PLXNA1: variants seen among roughly 807,000 people sequenced by gnomAD.
The protein encoded by PLXNA1 is plexin-A1.
PLXNA1 carries 77 observed loss-of-function variants against 191.7 expected under a neutral mutation model. The ratio of observed to expected loss-of-function variants is 0.40; its 90% CI spans 0.33 to 0.49. The LOEUF is 0.49. Ranked by LOEUF, PLXNA1 falls within the 20% of genes least tolerant of loss-of-function variation. The pLI, the probability that PLXNA1 is intolerant of heterozygous loss-of-function variation, is 0.63. For missense variants in PLXNA1, 2,110 were observed against 2,660.2 expected (o/e 0.79, Z 4.55); for synonymous variants, 1,137 against 1,156.4 (o/e 0.98, Z 0.34).
intron 15 of PLXNA1, among the ~76,000 whole-genome samples, chr3:127,015,965 G>C (rs1211185060): frequency 6.6e-6 from 1 of 152,198 alleles, no homozygotes; most frequent in Non-Finnish European, 1.5e-5. Flanking sequence ...GGTGCCGAGA[G>C]GGAAGGTGTC....
intron 3 of PLXNA1, among the ~76,000 whole-genome samples, chr3:127,000,447 T>C (rs2079034780): frequency 6.6e-6 from 1 of 152,092 alleles, no homozygotes; most frequent in Non-Finnish European, 1.5e-5. Context: ...GGCCGGCGTG[T>C]GCCCTTCTGT....
Position 127,029,368 on chromosome 3 carries a change from G to A in PLXNA1, c.4774-72G>A, listed in dbSNP as rs566619055. ...CACTAGGGTGTCACCGGGGTCCCCAGCCGGGGAGTGGGAGCCTGGTGGTGC... is the reference window on the plus strand; with the variant it reads ...CACTAGGGTGTCACCGGGGTCCCCAACCGGGGAGTGGGAGCCTGGTGGTGC... On this transcript the variant is annotated intron_variant, in intron 26 of 31. Transcript: ENST00000393409. The A allele has an allele frequency of 1.2e-5, 17 of 1,453,344 alleles. No individual in the cohort carries two copies. The East Asian group carries it at 3.6e-4, about 31-fold the overall frequency. The allele number at this position is 1,453,344 out of a possible 1,614,324, so 90.0% of individuals were successfully genotyped here.
intron 3 of PLXNA1, among the ~76,000 whole-genome samples, chr3:126,999,673 G>C (rs892375535): frequency 1.2e-4 from 18 of 152,206 alleles, no homozygotes; most frequent in African/African-American, 4.1e-4. Context: ...GGCAGCAGTT[G>C]GCCAGGGCTG....
rs564331546 is a variant in PLXNA1 at position 127,022,075 on chromosome 3, G to A, written c.4039-10G>A. On this transcript the variant is annotated splice_polypyrimidine_tract_variant and intron_variant, in intron 21 of 31. Coordinates refer to ENST00000393409, the MANE Select transcript of PLXNA1 (RefSeq NM_032242.4). Reference sequence around the variant, plus strand: ...CTTCTCTGTGGTCTGAGCTCTGTGTGCTCCCTCAGGTGCAGGCCAATGTGG... The same window carrying A: ...CTTCTCTGTGGTCTGAGCTCTGTGTACTCCCTCAGGTGCAGGCCAATGTGG... The A allele has an allele frequency of 6.2e-7, 1 of 1,608,566 alleles. No individual in the cohort carries two copies. Among genetic ancestry groups the A allele is most frequent in the Admixed American group, 1.7e-5 (1 of 59,964 alleles).
At chr3:127,015,063 G>A (rs771655694) in intron 14 of PLXNA1, 121 bp from the exon 15 acceptor site, 21 of 1,428,272 alleles carry the variant, frequency 1.5e-5, no homozygotes, top group Non-Finnish European at 1.8e-5. Flanking sequence ...GCAGCTCCCG[G>A]GCATGCGGGC....
chr3:127,015,125 C>T (rs1166406451), intron 14 of PLXNA1, 59 bp from the exon 15 acceptor site: 4 of 1,569,880 alleles, frequency 2.5e-6, no homozygotes, highest in Admixed American at 3.5e-5. Flanking sequence ...TGGGGCCTGT[C>T]CCCATGTGGC....
rs902836828 is a variant in PLXNA1 at position 127,035,433 on chromosome 3, G to A, written c.*1416G>A. 8 of 152,288 alleles carry A rather than the reference G, an allele frequency of 5.3e-5. No homozygotes were observed. The highest frequency in any genetic ancestry group is 1.9e-4 in the East Asian group (1 of 5,162). 9.4% of individuals were successfully genotyped at this position (152,288 alleles called of 1,614,324 possible). On this transcript the variant is annotated 3_prime_UTR_variant, in exon 32 of 32. Transcript: ENST00000393409. ...CTGAAGCCTGTGCCCCCCGACCTGC[G>A]GGCCGCTGTTTTGGTTTGACATGAC... is the stretch of plus-strand genomic sequence containing the variant.
intron 3 of PLXNA1, among the ~76,000 whole-genome samples, chr3:127,000,357 C>T (rs1391000547): frequency 1.3e-5 from 2 of 152,060 alleles, no homozygotes; most frequent in Admixed American, 6.5e-5. Flanking sequence ...CCAGCCACCT[C>T]GAGGGTGGGC....
At chr3:127,022,407 C>T in intron 22 of PLXNA1, 66 bp downstream of exon 22, 1 of 1,562,290 alleles carries the variant, frequency 6.4e-7, no homozygotes, top group Non-Finnish European at 8.7e-7. Flanking sequence ...ACAGGTTGGT[C>T]TAGCAGGCCC....
At chr3:127,014,417 T>C (rs779613004) in intron 12 of PLXNA1, 42 bp downstream of exon 12, 4 of 1,508,482 alleles carry the variant, frequency 2.7e-6, no homozygotes, top group Middle Eastern at 1.8e-4. Flanking sequence ...TGCCCCGCCC[T>C]GCACCACCGC....
intron 8 of PLXNA1, among the ~76,000 whole-genome samples, chr3:127,006,949 C>T (rs948371940): frequency 1.3e-5 from 2 of 152,184 alleles, no homozygotes; most frequent in Non-Finnish European, 2.9e-5. Context: ...ACAGGAGGTG[C>T]GTGGCTTTTC....
rs2079112938 is a variant in PLXNA1 at position 127,014,551 on chromosome 3, T to C, written c.2678T>C (p.Phe893Ser). 1 of 1,612,018 alleles carries C rather than the reference T, an allele frequency of 6.2e-7. No homozygotes were observed. The highest frequency in any genetic ancestry group is 8.5e-7 in the Non-Finnish European group (1 of 1,179,858). The change falls in exon 13 of 32, where the codon TTC (phenylalanine) becomes TCC (serine). Residue 893 changes from phenylalanine to serine, a missense_variant. This residue lies in a region of PLXNA1 where 644 missense variants were observed against 714.3 expected (regional missense o/e 0.90). Transcript: ENST00000393409. ...TITGENLGLR[F>S]EDVRLGVRVG... ...ACAGGCGAGAACCTGGGCCTGCGATTCGAAGACGTGCGTCTGGGCGTGCGC... is the reference window on the plus strand; with the variant it reads ...ACAGGCGAGAACCTGGGCCTGCGATCCGAAGACGTGCGTCTGGGCGTGCGC...
intron 23 of PLXNA1, 77 bp from the exon 24 acceptor site, chr3:127,027,863 G>T: frequency 6.3e-7 from 1 of 1,584,418 alleles, no homozygotes; most frequent in Admixed American, 1.7e-5. Flanking sequence ...ACCATGGCTG[G>T]CACTCGACGG....
chr3:127,013,370 T>C (rs1359130849), intron 10 of PLXNA1, among the ~76,000 whole-genome samples: 6 of 151,394 alleles, frequency 4.0e-5, no homozygotes, highest in Admixed American at 2.0e-4. Flanking sequence ...GATAAAATAA[T>C]GATGAATTGC....
In PLXNA1 at chr3:127,018,385, G is replaced by T; in HGVS notation, c.3752G>T (p.Gly1251Val). ...CTGCCTGCCATTGTGGGCATTGGCG[G>T]AGGCGGGGGTCTCCTGCTGCTGGTC... is the stretch of plus-strand genomic sequence containing the variant. ...LTLPAIVGIG[G>V]GGGLLLLVIV... The change falls in exon 20 of 32, where the codon GGA (glycine) becomes GTA (valine). Residue 1251 changes from glycine to valine, a missense_variant. Around this residue, in one of 4 missense-constraint regions of PLXNA1, gnomAD observed 559 missense variants for 911.5 expected, o/e 0.61. Coordinates refer to ENST00000393409, the MANE Select transcript of PLXNA1 (RefSeq NM_032242.4). The T allele has an allele frequency of 6.2e-7, 1 of 1,613,080 alleles. No individual in the cohort carries two copies. The highest frequency in any genetic ancestry group is 1.3e-5 in the African/African-American group (1 of 75,066).
At chr3:126,991,654 T>C (rs888455698) in intron 3 of PLXNA1, 88 bp downstream of exon 3, 1 of 1,349,260 alleles carries the variant, frequency 7.4e-7, no homozygotes, top group Non-Finnish European at 9.9e-7. Context: ...CCAGTGCTGC[T>C]GTATGCTGTG....
chr3:127,003,537 C>T, intron 4 of PLXNA1, 67 bp downstream of exon 4: 1 of 1,522,408 alleles, frequency 6.6e-7, no homozygotes, highest in Non-Finnish European at 8.9e-7. Flanking sequence ...ACCCCAGTCA[C>T]AGAGCAGTAG....
At chr3:127,002,766 G>A (rs983245420) in intron 3 of PLXNA1, among the ~76,000 whole-genome samples, 2 of 152,228 alleles carry the variant, frequency 1.3e-5, no homozygotes, top group South Asian at 2.1e-4. Flanking sequence ...GCTAATTAAC[G>A]CCTGGTTTGT....
chr3:127,003,426 C>G lies in PLXNA1; in HGVS notation c.1474C>G (p.Leu492Val), dbSNP rs376199345. Residue 492 changes from leucine to valine, a missense_variant, in exon 4 of 32, where the codon CTC becomes GTC. Physicochemically the swap from Leu to Val is conservative, Grantham distance 32. Coordinates refer to ENST00000393409, the MANE Select transcript of PLXNA1 (RefSeq NM_032242.4). ...EGSPILRDLV[L>V]SPNHQYLYAM... ...CAGCCCCATCCTGCGAGACCTCGTC[C>G]TCAGCCCCAACCACCAGTACCTCTA... 1.2e-6 allele frequency: 2 copies of G among 1,611,926 alleles called. No homozygotes were observed. Among genetic ancestry groups the G allele is most frequent in the Non-Finnish European group, 1.7e-6 (2 of 1,179,476 alleles).
Sources: allele counts gnomAD v4.1 joint callset (sites outside exome capture counted in the v4.1 genomes callset), GRCh38; gene constraint gnomAD v4.1.1; regional missense constraint gnomAD v4.1.1; transcripts MANE v1.5; gene names NCBI Gene and HGNC (gene_info 2026-07-23, HGNC 2026-07-21).